Variants in DSCAML1 observed in about 807,000 individuals in gnomAD.
DSCAML1 encodes cell adhesion molecule DSCAML1.
DSCAML1 carries 38 observed loss-of-function variants against 200.5 expected under a neutral mutation model. That is an observed-to-expected ratio of 0.19 (90% confidence interval 0.15 to 0.25). DSCAML1 has a LOEUF of 0.25. Ranked by LOEUF, DSCAML1 falls within the 10% of genes least tolerant of loss-of-function variation. The pLI is 1.00. For synonymous variants in DSCAML1, 1,215 were observed against 1,165.0 expected (o/e 1.04, Z -0.87); for missense variants, 2,223 against 2,858.8 (o/e 0.78, Z 5.07).
chr11:117,697,305 C>T (rs2053600511), intron 3 of DSCAML1, among the ~76,000 whole-genome samples: 2 of 152,174 alleles, frequency 1.3e-5, no homozygotes, highest in South Asian at 4.1e-4. Flanking sequence ...GGATATTGGT[C>T]CTGCCCTGTC....
intron 3 of DSCAML1, among the ~76,000 whole-genome samples, chr11:117,745,280 G>A (rs976925420): frequency 6.6e-6 from 1 of 152,058 alleles, no homozygotes; most frequent in Non-Finnish European, 1.5e-5. Context: ...TAAGGTCAGT[G>A]TACTTTCCTG....
chr11:117,812,941 T>C (rs1236757933), intron 1 of DSCAML1, among the ~76,000 whole-genome samples: 1 of 151,936 alleles, frequency 6.6e-6, no homozygotes, highest in Non-Finnish European at 1.5e-5. Context: ...TTAATACTTT[T>C]AGAGGCCTTT....
At chr11:117,465,483 C>T (rs1270119034) in intron 16 of DSCAML1, among the ~76,000 whole-genome samples, 1 of 152,198 alleles carries the variant, frequency 6.6e-6, no homozygotes, top group Non-Finnish European at 1.5e-5. Flanking sequence ...TGCCGAAATG[C>T]CTCTTCTGAA....
chr11:117,651,948 G>T (rs75909767), intron 3 of DSCAML1, among the ~76,000 whole-genome samples: 2 of 152,088 alleles, frequency 1.3e-5, no homozygotes, highest in African/African-American at 4.8e-5. Flanking sequence ...CTCTGATTAC[G>T]GGTATTGGTC....
chr11:117,632,254 G>T (rs1047228580), intron 3 of DSCAML1, among the ~76,000 whole-genome samples: 1 of 152,192 alleles, frequency 6.6e-6, no homozygotes, highest in Non-Finnish European at 1.5e-5. Context: ...AGCCACATGC[G>T]GTCTTGGATG....
rs5795087 is a variant in DSCAML1 at position 117,477,349 on chromosome 11, AGTGTGTGTGTGTGT to A, written c.2785+3080_2785+3093del. ...GATAGTGCTTTGTAATGGTTCTGAA[AGTGTGTGTGTGTGT>A]GTGTGTGTGTGTGTGTGTGTGTGTG... On this transcript the variant is annotated intron_variant, in intron 14 of 32. Transcript: ENST00000651296. 3.2e-3 allele frequency among the ~76,000 whole-genome samples: 442 copies of A among 140,210 alleles called. 4 individuals are homozygous for A. The highest frequency in any genetic ancestry group is 0.03 in the East Asian group (136 of 4,526). The allele number at this position is 140,210 out of a possible 152,430, so 92.0% of individuals were successfully genotyped here.
intron 3 of DSCAML1, among the ~76,000 whole-genome samples, chr11:117,751,091 G>A (rs1399239705): frequency 6.6e-6 from 1 of 152,172 alleles, no homozygotes; most frequent in Non-Finnish European, 1.5e-5. Context: ...GCCTATGCAT[G>A]CATGTTTGTG....
chr11:117,717,263 C>G (rs2053966560), intron 3 of DSCAML1, among the ~76,000 whole-genome samples: 2 of 152,142 alleles, frequency 1.3e-5, no homozygotes. Flanking sequence ...GGTCCCCTCC[C>G]TGCACCTGCA....
chr11:117,572,698 G>C (rs939108959), intron 3 of DSCAML1, among the ~76,000 whole-genome samples: 7 of 152,334 alleles, frequency 4.6e-5, no homozygotes, highest in Admixed American at 2.6e-4. Flanking sequence ...CAAAGATCTG[G>C]TTCCCGCAAA....
chr11:117,464,228 G>C (rs2048534871), intron 17 of DSCAML1, among the ~76,000 whole-genome samples: 2 of 152,170 alleles, frequency 1.3e-5, no homozygotes, highest in South Asian at 4.1e-4. Flanking sequence ...ATGCTCTGCT[G>C]CTTCTTTATT....
At chr11:117,450,417 A>G (rs1261496270) in intron 20 of DSCAML1, 132 bp downstream of exon 20, 39 of 1,330,388 alleles carry the variant, frequency 2.9e-5, no homozygotes, top group Non-Finnish European at 3.5e-5. Context: ...GCCAGTCCCC[A>G]TTCTTATCTA....
intron 3 of DSCAML1, among the ~76,000 whole-genome samples, chr11:117,601,513 AC>A (rs1361002901): frequency 1.3e-5 from 2 of 152,100 alleles, no homozygotes; most frequent in African/African-American, 4.8e-5. Context: ...CATCCAAAAC[AC>A]CGTCCTGTAT....
intron 3 of DSCAML1, among the ~76,000 whole-genome samples, chr11:117,612,575 G>T (rs945272422): frequency 8.5e-5 from 13 of 152,182 alleles, no homozygotes; most frequent in Admixed American, 7.2e-4. Flanking sequence ...TGGTTATACG[G>T]AAGTGCTCAG....
At chr11:117,659,950 C>A (rs186459876) in intron 3 of DSCAML1, among the ~76,000 whole-genome samples, 28 of 152,260 alleles carry the variant, frequency 1.8e-4, no homozygotes, top group African/African-American at 6.3e-4. Flanking sequence ...TCTTGAACTC[C>A]TGACCTCAAG....
At chr11:117,439,494 C>A in intron 22 of DSCAML1, 65 bp from the exon 23 acceptor site, 2 of 1,561,506 alleles carry the variant, frequency 1.3e-6, no homozygotes, top group South Asian at 1.2e-5. Flanking sequence ...AGGCCCTCCC[C>A]CCGGTGTGTG....
At chr11:117,547,336 C>G (rs1461632202) in intron 3 of DSCAML1, among the ~76,000 whole-genome samples, 1 of 152,196 alleles carries the variant, frequency 6.6e-6, no homozygotes, top group Non-Finnish European at 1.5e-5. Context: ...TACCTCCTTG[C>G]AACAGAACCC....
In DSCAML1 at chr11:117,489,101, C is replaced by G. The variant is rs1159839098; in HGVS notation, c.2360-6939G>C. Among the ~76,000 whole-genome samples the G allele has an allele frequency of 6.6e-6, 1 of 152,230 alleles. No homozygotes were observed. Among genetic ancestry groups the G allele is most frequent in the African/African-American group, 2.4e-5 (1 of 41,462 alleles). On this transcript the variant is annotated intron_variant, in intron 11 of 32. Transcript: ENST00000651296. The surrounding 1 kb of genome is among the most constrained non-coding windows in gnomAD (Gnocchi z 4.8). ...CTTCCAGAAAGTGTTTCTTCCACCTCTAAGGGGGCTGGCCACCTCTAGCCA... is the reference window on the plus strand; with the variant it reads ...CTTCCAGAAAGTGTTTCTTCCACCTGTAAGGGGGCTGGCCACCTCTAGCCA...
chr11:117,816,843 GA>G (rs1262395859), intron 1 of DSCAML1, among the ~76,000 whole-genome samples: 1 of 151,096 alleles, frequency 6.6e-6, no homozygotes, highest in Admixed American at 6.6e-5. Flanking sequence ...AAAGCATTTA[GA>G]AAAACTGGAG....
At chr11:117,721,731 TATAA>T (rs948781718) in intron 3 of DSCAML1, among the ~76,000 whole-genome samples, 2 of 147,612 alleles carry the variant, frequency 1.4e-5, no homozygotes, top group African/African-American at 2.5e-5. Context: ...ATATATCATA[TATAA>T]ATATATATCA....
Sources: gnomAD v4.1 joint callset for allele counts (sites outside exome capture counted in the v4.1 genomes callset) on GRCh38, gnomAD v4.1.1 for gene constraint, Gnocchi (gnomAD v3.1) non-coding constraint, MANE v1.5 for transcripts, NCBI Gene and HGNC (gene_info 2026-07-23, HGNC 2026-07-21) for gene names.